Variants in TMTC2 observed in about 807,000 individuals in gnomAD.
TMTC2 encodes transmembrane O-mannosyltransferase targeting cadherins 2.
TMTC2 carries 43 observed loss-of-function variants against 82.4 expected under a neutral mutation model. The observed-to-expected ratio is 0.52, with a 90% confidence interval of 0.41 to 0.67. TMTC2 has a LOEUF of 0.67. TMTC2 is among the 30% of genes least tolerant of loss of function. TMTC2 has a pLI of 0.00. For synonymous variants in TMTC2, 408 were observed against 381.9 expected (o/e 1.07, Z -0.80); for missense variants, 919 against 1,012.4 (o/e 0.91, Z 1.25).
chr12:83,089,951 T>C (rs553437898), intron 11 of TMTC2, among the ~76,000 whole-genome samples: 1 of 152,368 alleles, frequency 6.6e-6, no homozygotes, highest in East Asian at 1.9e-4. Flanking sequence ...TAATTGCATT[T>C]TGCAGGAGCT....
chr12:82,765,693 AAAACAAAAC>A (rs1470341246), intron 1 of TMTC2, among the ~76,000 whole-genome samples: 98 of 143,818 alleles, frequency 6.8e-4, no homozygotes, highest in African/African-American at 2.4e-3. Flanking sequence ...AAAACAAAAC[AAAACAAAAC>A]AAACAAACAA....
At chr12:82,954,997 A>G (rs1386410972) in intron 4 of TMTC2, among the ~76,000 whole-genome samples, 1 of 152,168 alleles carries the variant, frequency 6.6e-6, no homozygotes, top group Non-Finnish European at 1.5e-5. Context: ...ATCTTCTTGT[A>G]TAGTTGGTGT....
intron 1 of TMTC2, chr12:82,690,331 CTGTAAGGAGAGGCCAG>C: frequency 2.0e-6 from 2 of 983,282 alleles, no homozygotes; most frequent in Non-Finnish European, 2.4e-6. Flanking sequence ...AAATCCAGTT[CTGTAAGGAGAGGCCAG>C]TGCCAGAAGT....
At chr12:82,754,183 T>A (rs532526544) in intron 1 of TMTC2, among the ~76,000 whole-genome samples, 1 of 152,278 alleles carries the variant, frequency 6.6e-6, no homozygotes, top group African/African-American at 2.4e-5. Flanking sequence ...AGTAATTGTA[T>A]TTTTTTGAAG....
At chr12:83,024,864 T>C (rs1440251452) in intron 8 of TMTC2, among the ~76,000 whole-genome samples, 2 of 152,150 alleles carry the variant, frequency 1.3e-5, no homozygotes, top group Admixed American at 1.3e-4. Context: ...TGTAAATAAG[T>C]AATTAAGTAG....
At chr12:82,803,250 T>C (rs1254460258) in intron 1 of TMTC2, among the ~76,000 whole-genome samples, 1 of 152,124 alleles carries the variant, frequency 6.6e-6, no homozygotes, top group Non-Finnish European at 1.5e-5. Flanking sequence ...CTCATTCTCA[T>C]TGACAAGACA....
chr12:82,702,424 C>T (rs1281899607), intron 1 of TMTC2, among the ~76,000 whole-genome samples: 1 of 152,098 alleles, frequency 6.6e-6, no homozygotes, highest in Non-Finnish European at 1.5e-5. Flanking sequence ...TTAGACTGTT[C>T]AGGTGAAAAT....
chr12:83,058,637 A>G (rs927842311), intron 10 of TMTC2, among the ~76,000 whole-genome samples: 1 of 151,846 alleles, frequency 6.6e-6, no homozygotes, highest in African/African-American at 2.4e-5. Context: ...GGCATGTTAA[A>G]CGGAGCAAGT....
intron 1 of TMTC2, among the ~76,000 whole-genome samples, chr12:82,712,900 G>A (rs1014938422): frequency 7.9e-5 from 12 of 152,118 alleles, no homozygotes; most frequent in Admixed American, 2.0e-4. Flanking sequence ...GGAATCTTTC[G>A]CACCAAGTCA....
intron 2 of TMTC2, among the ~76,000 whole-genome samples, chr12:82,863,963 T>G (rs1047493496): frequency 6.6e-6 from 1 of 152,050 alleles, no homozygotes; most frequent in African/African-American, 2.4e-5. Flanking sequence ...GAGGTTACTT[T>G]TGGTTGAGGG....
chr12:82,934,476 G>A (rs1337064128), intron 4 of TMTC2, among the ~76,000 whole-genome samples: 2 of 151,708 alleles, frequency 1.3e-5, no homozygotes, highest in Non-Finnish European at 2.9e-5. Context: ...GAGAACATGT[G>A]GTGTTTGGTT....
At chr12:83,123,276 T>C (rs1487053334) in intron 11 of TMTC2, among the ~76,000 whole-genome samples, 3 of 152,232 alleles carry the variant, frequency 2.0e-5, no homozygotes, top group African/African-American at 7.2e-5. Context: ...TTGTCTTAGT[T>C]GTCATCTGTG....
At chr12:82,959,916 C>T (rs1877829851) in intron 4 of TMTC2, among the ~76,000 whole-genome samples, 1 of 151,934 alleles carries the variant, frequency 6.6e-6, no homozygotes, top group African/African-American at 2.4e-5. Context: ...TGTTTGCACA[C>T]TATGCATCCA....
At chr12:82,969,355 A>G (rs1006853120) in intron 7 of TMTC2, among the ~76,000 whole-genome samples, 1 of 152,168 alleles carries the variant, frequency 6.6e-6, no homozygotes, top group Non-Finnish European at 1.5e-5. Context: ...ACCCCTTCAC[A>G]ACCACTACCC....
At chr12:82,791,167 A>G (rs2137022622) in intron 1 of TMTC2, among the ~76,000 whole-genome samples, 2 of 152,188 alleles carry the variant, frequency 1.3e-5, no homozygotes, top group South Asian at 4.1e-4. Flanking sequence ...TTATATTCCC[A>G]TACTATGTAA....
intron 1 of TMTC2, among the ~76,000 whole-genome samples, chr12:82,701,589 T>TAAA (rs763176928): frequency 0.15 from 13,508 of 91,506 alleles, 997 homozygotes; most frequent in East Asian, 0.36. Context: ...CCGTCTTTAC[T>TAAA]AAAAAAAAAA....
At chr12:82,763,744 A>G (rs1193245521) in intron 1 of TMTC2, among the ~76,000 whole-genome samples, 2 of 152,340 alleles carry the variant, frequency 1.3e-5, no homozygotes, top group Admixed American at 1.3e-4. Flanking sequence ...AAAACAATAG[A>G]AAGTTGTCAA....
intron 1 of TMTC2, among the ~76,000 whole-genome samples, chr12:82,723,209 G>T (rs1874292187): frequency 6.6e-6 from 1 of 152,180 alleles, no homozygotes. Flanking sequence ...CAGGCTCATA[G>T]TTTGGTGTCG....
At chr12:83,089,843 AAAAC>A (rs1022008291) in intron 11 of TMTC2, among the ~76,000 whole-genome samples, 1 of 149,704 alleles carries the variant, frequency 6.7e-6, no homozygotes, top group African/African-American at 2.5e-5. Flanking sequence ...CAAAAAACAA[AAAAC>A]AAAAAAAAAA....
Sources: gnomAD v4.1 joint callset for allele counts (sites outside exome capture counted in the v4.1 genomes callset) on GRCh38, gnomAD v4.1.1 for gene constraint, MANE v1.5 for transcripts, NCBI Gene and HGNC (gene_info 2026-07-23, HGNC 2026-07-21) for gene names.